Variants in TET1 observed in about 807,000 individuals in gnomAD.
TET1 encodes tet methylcytosine dioxygenase 1.
In TET1, 13 loss-of-function variants were observed where a neutral mutation model predicts 148.7. The ratio of observed to expected loss-of-function variants is 0.09; its 90% CI spans 0.06 to 0.14. The LOEUF (loss-of-function observed/expected upper bound fraction) is 0.14. TET1 is among the 10% of genes least tolerant of loss of function. The pLI, the probability that TET1 is intolerant of heterozygous loss-of-function variation, is 1.00. For missense variants in TET1, 2,182 were observed against 2,553.8 expected (o/e 0.85, Z 3.14); for synonymous variants, 907 against 937.2 (o/e 0.97, Z 0.59).
chr10:68,620,504 A>C (rs761293172), intron 3 of TET1, among the ~76,000 whole-genome samples: 1 of 152,134 alleles, frequency 6.6e-6, no homozygotes, highest in Admixed American at 6.6e-5. Context: ...TTCTTGAGTA[A>C]TGTTTCAATG....
chr10:68,587,917 C>T (rs949150110), intron 2 of TET1, among the ~76,000 whole-genome samples: 3 of 152,198 alleles, frequency 2.0e-5, no homozygotes, highest in Non-Finnish European at 4.4e-5. Context: ...CTCACTCTAT[C>T]ACCCAGGCTG....
In TET1 at chr10:68,664,104, A is replaced by T. The variant is rs566924562; in HGVS notation, c.4462-2941A>T. Among the ~76,000 whole-genome samples, 21 of 152,142 alleles carry T rather than the reference A, an allele frequency of 1.4e-4. 1 individual carries two copies. The South Asian group carries it at 2.3e-3, about 17-fold the overall frequency. On this transcript the variant is annotated intron_variant, in intron 6 of 11. Coordinates refer to ENST00000373644, the MANE Select transcript of TET1 (RefSeq NM_030625.3). ...AACCTCCACCTCCCAAAGTGCTAGGATAACAGGCATGAGCCACGGTGCCGG... is the reference window on the plus strand; with the variant it reads ...AACCTCCACCTCCCAAAGTGCTAGGTTAACAGGCATGAGCCACGGTGCCGG...
Position 68,659,136 on chromosome 10 carries a change from A to G in TET1, c.4461+6542A>G, listed in dbSNP as rs149415309. Among the ~76,000 whole-genome samples, 8 of 152,218 alleles carry G rather than the reference A, an allele frequency of 5.3e-5. No homozygotes were observed. The East Asian group carries it at 1.6e-3, about 30-fold the overall frequency. ...CAGCTACTCAGGAGGCTGAGGCAGG[A>G]GTATAACTCTTTGTATACTTCCCCT... On this transcript the variant is annotated intron_variant, in intron 6 of 11. Transcript: ENST00000373644.
At chr10:68,688,471 G>A (rs1227872302) in intron 11 of TET1, among the ~76,000 whole-genome samples, 2 of 120,390 alleles carry the variant, frequency 1.7e-5, no homozygotes, top group East Asian at 2.4e-4. Context: ...GTCTCGCTCT[G>A]TCTCCCAGGC....
intron 1 of TET1, among the ~76,000 whole-genome samples, chr10:68,561,203 G>C (rs1241310491): frequency 6.6e-6 from 1 of 152,140 alleles, no homozygotes; most frequent in African/African-American, 2.4e-5. Context: ...TTGTGAGTGG[G>C]GAGTCCGGGC....
intron 7 of TET1, among the ~76,000 whole-genome samples, chr10:68,670,985 A>C: frequency 6.6e-6 from 1 of 152,170 alleles, no homozygotes; most frequent in East Asian, 1.9e-4. Flanking sequence ...TTTTTTACTT[A>C]ATTATTCTTT....
At chr10:68,574,761 CA>C (rs1165142390) in intron 2 of TET1, among the ~76,000 whole-genome samples, 8 of 152,288 alleles carry the variant, frequency 5.3e-5, no homozygotes, top group Admixed American at 4.6e-4. Flanking sequence ...AGCAATAATA[CA>C]GCTTTTGTCT....
intron 3 of TET1, among the ~76,000 whole-genome samples, chr10:68,616,711 CT>C (rs769000327): frequency 1.5e-3 from 224 of 144,716 alleles, no homozygotes; most frequent in Admixed American, 1.3e-3. Context: ...AATATTTAAA[CT>C]TTTTTTTTTT....
At position 68,686,370 on chromosome 10, in the gene TET1, T is replaced by G; in HGVS notation, c.5067T>G (p.Thr1689=). 1 of 1,606,140 alleles carries G rather than the reference T, an allele frequency of 6.2e-7. No individual in the cohort carries two copies. The highest frequency in any genetic ancestry group is 8.5e-7 in the Non-Finnish European group (1 of 1,175,184). ...CTCCCTATCAGGTTTGTACCTTAAC[T>G]CGAGAAGATAACCGCTCTTTGGGTG... ...NNGSTVVCTL[T]REDNRSLGVI... is the part of the protein sequence containing the mutation. The change falls in exon 11 of 12, where the codon ACT becomes ACG. Residue 1689 remains threonine, a synonymous_variant. Transcript: ENST00000373644.
chr10:68,673,298 C>G (rs2055299393), intron 8 of TET1: 1 of 243,306 alleles, frequency 4.1e-6, no homozygotes, highest in Admixed American at 5.3e-5. Context: ...TACCCCACCC[C>G]AGCAAAATCA....
At chr10:68,624,634 TTCTTTCTTTCTTTCTTTCTTTCTTTCTC>T (rs1254184974) in intron 3 of TET1, among the ~76,000 whole-genome samples, 3 of 46,012 alleles carry the variant, frequency 6.5e-5, no homozygotes, top group South Asian at 8.2e-4. Flanking sequence ...CTTTCTTTCT[TTCTTTCTTTCTTTCTTTCTTTCTTTCTC>T]TCTCTCTCTC....
In TET1 at chr10:68,673,227, G is replaced by A. The variant is rs61037303; in HGVS notation, c.4824+182G>A. ...TTAATTAAGACTCTAAATAAATTAG[G>A]TAAAGACTTTAGCTATCTCCCCAAA... On this transcript the variant is annotated intron_variant, in intron 8 of 11. Transcript: ENST00000373644. Among the ~76,000 whole-genome samples, 685 of 151,870 alleles carry A rather than the reference G, an allele frequency of 4.5e-3. 2 individuals are homozygous for A. Among genetic ancestry groups the A allele is most frequent in the African/African-American group, 0.016 (653 of 41,472 alleles).
intron 9 of TET1, among the ~76,000 whole-genome samples, chr10:68,681,701 T>G (rs1188823087): frequency 6.6e-6 from 1 of 152,146 alleles, no homozygotes; most frequent in East Asian, 1.9e-4. Context: ...GCTCGTTAGC[T>G]CACGCCTGTA....
intron 3 of TET1, among the ~76,000 whole-genome samples, chr10:68,626,787 A>G (rs1407855721): frequency 1.3e-5 from 2 of 151,982 alleles, no homozygotes; most frequent in Non-Finnish European, 2.9e-5. Context: ...CCTGACCTCA[A>G]GTGATCTGCC....
intron 2 of TET1, among the ~76,000 whole-genome samples, chr10:68,588,606 G>C (rs936400466): frequency 6.6e-6 from 1 of 152,136 alleles, no homozygotes; most frequent in African/African-American, 2.4e-5. Context: ...GGTTATTGCT[G>C]TCATCTTTTA....
intron 3 of TET1, among the ~76,000 whole-genome samples, chr10:68,608,321 C>T (rs556243835): frequency 7.2e-5 from 11 of 152,186 alleles, no homozygotes; most frequent in African/African-American, 2.2e-4. Context: ...CTGCAACCTC[C>T]GTCTCCCAGG....
At chr10:68,623,610 T>G (rs2054406907) in intron 3 of TET1, among the ~76,000 whole-genome samples, 1 of 152,224 alleles carries the variant, frequency 6.6e-6, no homozygotes, top group Non-Finnish European at 1.5e-5. Context: ...CTTCATAACT[T>G]ACTTAACTAC....
At chr10:68,564,705 C>G (rs2053588529) in intron 1 of TET1, among the ~76,000 whole-genome samples, 1 of 152,154 alleles carries the variant, frequency 6.6e-6, no homozygotes, top group Non-Finnish European at 1.5e-5. Flanking sequence ...CTTTCACTGA[C>G]TCTTGAAGAC....
At chr10:68,641,227 A>G (rs1160881021) in intron 3 of TET1, among the ~76,000 whole-genome samples, 1 of 151,122 alleles carries the variant, frequency 6.6e-6, no homozygotes, top group Non-Finnish European at 1.5e-5. Context: ...TTTGAGTTGG[A>G]GTTTTGCTCT....
Sources: gnomAD v4.1 joint callset for allele counts (sites outside exome capture counted in the v4.1 genomes callset) on GRCh38, gnomAD v4.1.1 for gene constraint, MANE v1.5 for transcripts, NCBI Gene and HGNC (gene_info 2026-07-23, HGNC 2026-07-21) for gene names.